KLRD1: variants seen among roughly 807,000 people sequenced by gnomAD.
KLRD1 encodes killer cell lectin like receptor D1.
A neutral mutation model predicts 22.6 loss-of-function variants in KLRD1; 21 were observed. The observed-to-expected ratio is 0.93, with a 90% CI of 0.66 to 1.34. The LOEUF is 1.34. Ranked by LOEUF, KLRD1 falls within the 40% of genes most tolerant of loss-of-function variation. The probability of loss-of-function intolerance (pLI) is 0.00; values close to 1 mark genes in which losing one functional copy is unlikely to be tolerated. For missense variants in KLRD1, 183 were observed against 208.6 expected (o/e 0.88, Z 0.76); for synonymous variants, 59 against 71.1 (o/e 0.83, Z 0.85).
intron 1 of KLRD1, among the ~76,000 whole-genome samples, chr12:10,277,297 C>A (rs1183407566): frequency 6.6e-6 from 1 of 151,572 alleles, no homozygotes; most frequent in African/African-American, 2.4e-5. Flanking sequence ...ATTCACTGAG[C>A]TAAGAAAAGC....
At chr12:10,295,696 A>G (rs1427155267) in intron 1 of KLRD1, among the ~76,000 whole-genome samples, 2 of 152,196 alleles carry the variant, frequency 1.3e-5, no homozygotes. Context: ...AAAAGTAAAT[A>G]AAACAGAAAC....
chr12:10,244,293 T>C (rs1448560390), intron 1 of KLRD1, among the ~76,000 whole-genome samples: 2 of 152,024 alleles, frequency 1.3e-5, no homozygotes, highest in Admixed American at 1.3e-4. Flanking sequence ...GGGAACACCT[T>C]CAGGACAGGG....
chr12:10,252,381 G>A (rs530895625), intron 1 of KLRD1, among the ~76,000 whole-genome samples: 2 of 152,284 alleles, frequency 1.3e-5, no homozygotes, highest in East Asian at 3.9e-4. Flanking sequence ...ATGTGCACCT[G>A]TAGTCCCAGC....
In KLRD1 at chr12:10,328,124, TGTG is replaced by T. The variant is rs1950377485; in HGVS notation, c.*13334_*13336del. On this transcript the variant is annotated 3_prime_UTR_variant, in exon 6 of 6. Transcript: ENST00000336164. ...TAGACATATTGGCTTATAGTTTTCT[TGTG>T]GTATCTTTGACAAGCTTTGGTGTAA... 1 of 152,180 alleles carries T rather than the reference TGTG, an allele frequency of 6.6e-6. No individual in the cohort carries two copies. The highest frequency in any genetic ancestry group is 1.5e-5 in the Non-Finnish European group (1 of 68,008). 9.4% of individuals were successfully genotyped at this position (152,180 alleles called of 1,614,324 possible).
At chr12:10,292,009 A>G (rs1431898616) in intron 1 of KLRD1, among the ~76,000 whole-genome samples, 2 of 152,126 alleles carry the variant, frequency 1.3e-5, no homozygotes. Context: ...TCCATGGTGT[A>G]TATGTACCAC....
chr12:10,261,876 A>G (rs1328628005), intron 1 of KLRD1, among the ~76,000 whole-genome samples: 2 of 152,154 alleles, frequency 1.3e-5, no homozygotes, highest in South Asian at 4.1e-4. Context: ...TTGATGTAGT[A>G]CCAGGAATAT....
At chr12:10,301,414 G>A (rs1949865348), upstream of KLRD1, among the ~76,000 whole-genome samples, 1 of 152,114 alleles carries the variant, frequency 6.6e-6, no homozygotes, top group Non-Finnish European at 1.5e-5. Context: ...ACATTCTGAT[G>A]ATTTCATCCC....
At chr12:10,294,756 C>T (rs1447234216) in intron 1 of KLRD1, among the ~76,000 whole-genome samples, 4 of 152,170 alleles carry the variant, frequency 2.6e-5, no homozygotes, top group African/African-American at 9.7e-5. Flanking sequence ...TGGGTCCCAA[C>T]TGAGCCAATC....
intron 1 of KLRD1, among the ~76,000 whole-genome samples, chr12:10,279,236 A>G (rs1043602843): frequency 6.6e-6 from 1 of 152,122 alleles, no homozygotes; most frequent in Non-Finnish European, 1.5e-5. Context: ...ATAAGTGAGA[A>G]CATGCAGTAT....
In KLRD1 at chr12:10,311,466, T is replaced by G. The variant is rs148500599; in HGVS notation, c.166T>G (p.Ser56Ala). ...PGPNIELQKDSDCCSCQEKWV... is the reference protein window; with the variant it reads ...PGPNIELQKDADCCSCQEKWV... ...TCATGCTTTATGTTTTCTGTCAGACTCTGACTGCTGTTCTTGCCAAGAAAA... is the reference window on the plus strand; with the variant it reads ...TCATGCTTTATGTTTTCTGTCAGACGCTGACTGCTGTTCTTGCCAAGAAAA... The change falls in exon 4 of 6, where the codon TCT becomes GCT. Residue 56 changes from serine to alanine, a missense_variant and splice_region_variant. Coordinates refer to ENST00000336164, the MANE Select transcript of KLRD1 (RefSeq NM_002262.5). 1 of 1,612,992 alleles carries G rather than the reference T, an allele frequency of 6.2e-7. No individual in the cohort carries two copies. Among genetic ancestry groups the G allele is most frequent in the African/African-American group, 1.3e-5 (1 of 74,940 alleles).
At chr12:10,279,716 T>C (rs779820818) in intron 1 of KLRD1, among the ~76,000 whole-genome samples, 1 of 152,232 alleles carries the variant, frequency 6.6e-6, no homozygotes, top group Non-Finnish European at 1.5e-5. Context: ...TCCATCCTTA[T>C]ATTATTTCTT....
At chr12:10,311,773 T>C in intron 4 of KLRD1, 158 bp downstream of exon 4, 1 of 538,400 alleles carries the variant, frequency 1.9e-6, no homozygotes, top group Non-Finnish European at 3.1e-6. Flanking sequence ...GTAGTCATTG[T>C]AAAATCTTTA....
intron 1 of KLRD1, among the ~76,000 whole-genome samples, chr12:10,263,915 G>A (rs1949476499): frequency 6.6e-6 from 1 of 152,016 alleles, no homozygotes; most frequent in Non-Finnish European, 1.5e-5. Flanking sequence ...CCCAAATTGG[G>A]TTATTCCGTA....
At chr12:10,256,623 A>G (rs1362614185) in intron 1 of KLRD1, among the ~76,000 whole-genome samples, 3 of 151,938 alleles carry the variant, frequency 2.0e-5, no homozygotes, top group Non-Finnish European at 4.4e-5. Context: ...GCTTTATGAT[A>G]TCAATATCAT....
intron 1 of KLRD1, among the ~76,000 whole-genome samples, chr12:10,260,568 C>T (rs779812220): frequency 2.6e-5 from 4 of 151,956 alleles, no homozygotes; most frequent in Admixed American, 6.6e-5. Flanking sequence ...TTTGGGAGGC[C>T]GAGGTGGGTG....
intron 1 of KLRD1, among the ~76,000 whole-genome samples, chr12:10,239,517 CCCTTTCTT>C (rs1949218469): frequency 2.2e-5 from 1 of 45,814 alleles, no homozygotes; most frequent in African/African-American, 6.6e-5. Context: ...TCCTTCCCTC[CCCTTTCTT>C]TCTTTCTTTC....
At chr12:10,263,996 A>G (rs1949477570) in intron 1 of KLRD1, among the ~76,000 whole-genome samples, 1 of 152,122 alleles carries the variant, frequency 6.6e-6, no homozygotes, top group Non-Finnish European at 1.5e-5. Context: ...TGAAACAACC[A>G]CTTCCCTATC....
intron 1 of KLRD1, among the ~76,000 whole-genome samples, chr12:10,248,536 TCCTTCC>T (rs1565446952): frequency 0.023 from 2,628 of 112,280 alleles, 106 homozygotes; most frequent in African/African-American, 0.085. Flanking sequence ...TTCTTTTCCT[TCCTTCC>T]TTCCTTCCTT....
intron 1 of KLRD1, among the ~76,000 whole-genome samples, chr12:10,293,169 C>CATACATATACATATATATATATATAT (rs1565462121): frequency 5.1e-5 from 1 of 19,666 alleles, no homozygotes; most frequent in Admixed American, 8.3e-4. Context: ...TATATATATA[C>CATACATATACATATATATATATATAT]ACATATACAC....
Sources: allele counts gnomAD v4.1 joint callset (sites outside exome capture counted in the v4.1 genomes callset), GRCh38; gene constraint gnomAD v4.1.1; transcripts MANE v1.5; gene names NCBI Gene and HGNC (gene_info 2026-07-23, HGNC 2026-07-21).